ANKS1B: variants seen among roughly 807,000 people sequenced by gnomAD.
The protein encoded by ANKS1B is ankyrin repeat and sterile alpha motif domain containing 1B.
Under a neutral mutation model 148.3 loss-of-function variants are expected in ANKS1B, and 36 were observed. The observed-to-expected ratio is 0.24, with a 90% CI of 0.19 to 0.32. The LOEUF (loss-of-function observed/expected upper bound fraction) is 0.32, where lower values mean the gene tolerates loss of function less well. Among genes scored for constraint, ANKS1B ranks in the 10% least tolerant of loss-of-function variants. The probability of loss-of-function intolerance (pLI) is 1.00; values close to 1 mark genes in which losing one functional copy is unlikely to be tolerated. For missense variants in ANKS1B, 1,157 were observed against 1,542.6 expected (o/e 0.75, Z 4.19); for synonymous variants, 542 against 560.8 (o/e 0.97, Z 0.47).
Position 99,812,558 on chromosome 12 carries a change from CAGAGAGAGAG to C in ANKS1B, c.216-257_216-248del, listed in dbSNP as rs113030122. 3.5e-3 allele frequency among the ~76,000 whole-genome samples: 260 copies of C among 73,706 alleles called. 6 individuals are homozygous for C. The East Asian group carries it at 0.045, about 13-fold the overall frequency. The allele number at this position is 73,706 out of a possible 152,430, so 48.4% of individuals were successfully genotyped here. A position where few individuals can be genotyped will look rare whatever the true frequency, so the allele number is the denominator to read the frequency against. On this transcript the variant is annotated intron_variant, in intron 2 of 26. Transcript: ENST00000683438. ...ACACACACACACACACACACACACA[CAGAGAGAGAG>C]AGAGAGAGAAAGAGAGCGAGAGCAC...
chr12:98,959,029 T>C (rs796815615), intron 17 of ANKS1B, among the ~76,000 whole-genome samples: 38 of 152,278 alleles, frequency 2.5e-4, no homozygotes, highest in African/African-American at 9.1e-4. Context: ...CATTTAATAA[T>C]ATGGAAAGGG....
intron 14 of ANKS1B, among the ~76,000 whole-genome samples, chr12:99,162,432 T>C (rs1354347271): frequency 2.0e-5 from 3 of 152,124 alleles, no homozygotes; most frequent in Non-Finnish European, 2.9e-5. Flanking sequence ...AAAATGCACA[T>C]ACATAATTGT....
Position 99,782,032 on chromosome 12 carries a change from C to T in ANKS1B, c.735G>A (p.Leu245=). 1 of 1,604,144 alleles carries T rather than the reference C, an allele frequency of 6.2e-7. No individual in the cohort carries two copies. The highest frequency in any genetic ancestry group is 1.1e-5 in the South Asian group (1 of 88,668). Residue 245 remains leucine, a synonymous_variant, in exon 5 of 27, where the codon CTG becomes CTA. Coordinates refer to ENST00000683438, the MANE Select transcript of ANKS1B (RefSeq NM_001352186.2). ...AATCACAATAGTTACCTGTTTCTAACAGAACTCGTACAACATCCACCTTTC... is the reference window on the plus strand; with the variant it reads ...AATCACAATAGTTACCTGTTTCTAATAGAACTCGTACAACATCCACCTTTC... The part of the protein sequence containing the change: ...LFGKVDVVRV[L]LETGIDANIK...
chr12:99,037,810 G>A (rs1450896943), intron 17 of ANKS1B, among the ~76,000 whole-genome samples: 1 of 152,112 alleles, frequency 6.6e-6, no homozygotes, highest in Non-Finnish European at 1.5e-5. Flanking sequence ...CCTGCTGTGG[G>A]CAAGTTGTCA....
chr12:99,664,801 A>G (rs756382521), intron 8 of ANKS1B, among the ~76,000 whole-genome samples: 2 of 152,170 alleles, frequency 1.3e-5, no homozygotes, highest in Non-Finnish European at 2.9e-5. Context: ...TGTAAAGCTT[A>G]TTAACACTAA....
chr12:99,478,824 AG>A (rs779829551), intron 10 of ANKS1B, among the ~76,000 whole-genome samples: 13 of 152,128 alleles, frequency 8.5e-5, no homozygotes, highest in Non-Finnish European at 1.8e-4. Context: ...ATCATGCTAG[AG>A]GAAAGACCGA....
intron 4 of ANKS1B, among the ~76,000 whole-genome samples, chr12:99,802,809 A>T (rs2067114802): frequency 6.6e-6 from 1 of 151,972 alleles, no homozygotes. Flanking sequence ...CCTACTCAGG[A>T]GGCTGAAGCA....
At chr12:99,489,684 A>G (rs1168666791) in intron 10 of ANKS1B, among the ~76,000 whole-genome samples, 2 of 152,210 alleles carry the variant, frequency 1.3e-5, no homozygotes, top group Non-Finnish European at 2.9e-5. Flanking sequence ...ATCCTCATAG[A>G]TGCCTGTGAC....
intron 1 of ANKS1B, among the ~76,000 whole-genome samples, chr12:99,982,549 A>G (rs755390256): frequency 2.7e-4 from 41 of 152,216 alleles, no homozygotes; most frequent in Non-Finnish European, 4.9e-4. Flanking sequence ...AATCATTTTT[A>G]TAACTGATGG....
chr12:99,081,990 T>A (rs2049950946), intron 16 of ANKS1B, among the ~76,000 whole-genome samples: 1 of 152,110 alleles, frequency 6.6e-6, no homozygotes, highest in Admixed American at 6.6e-5. Context: ...AGCATAGAAG[T>A]GGCTGAATGT....
intron 11 of ANKS1B, among the ~76,000 whole-genome samples, chr12:99,428,434 T>G (rs2095303623): frequency 6.6e-6 from 1 of 152,184 alleles, no homozygotes; most frequent in Admixed American, 6.5e-5. Flanking sequence ...AATCAGGACC[T>G]GATATAATAA....
At chr12:99,079,880 T>TG (rs1162085307) in intron 16 of ANKS1B, 6 of 152,092 alleles carry the variant, frequency 3.9e-5, no homozygotes, top group Non-Finnish European at 8.8e-5. Context: ...CTCGCTCTCC[T>TG]GGGGGGTGAC....
Position 99,971,160 on chromosome 12 carries a change from C to T in ANKS1B, c.134+12944G>A, listed in dbSNP as rs189080250. On this transcript the variant is annotated intron_variant, in intron 1 of 26. Transcript: ENST00000683438. ...ATATACATATATATATACACACACA[C>T]GTAGCATAAAACAAACCCATGAAAA... 5.0e-3 allele frequency among the ~76,000 whole-genome samples: 758 copies of T among 152,206 alleles called. 6 individuals carry two copies. The highest frequency in any genetic ancestry group is 0.017 in the African/African-American group (711 of 41,514).
intron 17 of ANKS1B, among the ~76,000 whole-genome samples, chr12:98,941,408 T>C (rs548238624): frequency 2.0e-5 from 3 of 152,322 alleles, no homozygotes; most frequent in African/African-American, 7.2e-5. Context: ...TTAGAAAAGA[T>C]ACTTGTTTAC....
chr12:99,412,405 A>G (rs2094740755), intron 11 of ANKS1B, among the ~76,000 whole-genome samples: 1 of 152,100 alleles, frequency 6.6e-6, no homozygotes, highest in African/African-American at 2.4e-5. Context: ...AGGAGATGCT[A>G]AGGTTCTGGT....
At chr12:99,226,872 A>G (rs1464320419) in intron 14 of ANKS1B, among the ~76,000 whole-genome samples, 1 of 152,242 alleles carries the variant, frequency 6.6e-6, no homozygotes, top group East Asian at 1.9e-4. Flanking sequence ...TCAAAAATCA[A>G]TCAAAAAGGT....
intron 1 of ANKS1B, among the ~76,000 whole-genome samples, chr12:99,835,725 A>T (rs1284682630): frequency 1.3e-5 from 2 of 152,170 alleles, no homozygotes; most frequent in Admixed American, 6.5e-5. Context: ...ATTGCACAGC[A>T]CAGGGCATTT....
chr12:98,964,111 C>T (rs1159387121), intron 17 of ANKS1B, among the ~76,000 whole-genome samples: 1 of 151,766 alleles, frequency 6.6e-6, no homozygotes, highest in African/African-American at 2.4e-5. Context: ...AAAAAAAAAT[C>T]TAATAATCCC....
Position 99,984,865 on chromosome 12 carries a change from G to T in ANKS1B, c.-628C>A, listed in dbSNP as rs948656565. Among the ~76,000 whole-genome samples, 5 of 147,338 alleles carry T rather than the reference G, an allele frequency of 3.4e-5. No homozygotes were observed. The highest frequency in any genetic ancestry group is 9.8e-5 in the African/African-American group (4 of 40,970). ...TGCCGAGGGCGGCGGCGGCGGCGAGGCCTGGCGCGCGGGGGGCGTGTGCGC... is the reference window on the plus strand; with the variant it reads ...TGCCGAGGGCGGCGGCGGCGGCGAGTCCTGGCGCGCGGGGGGCGTGTGCGC... On this transcript the variant is annotated 5_prime_UTR_variant, in exon 1 of 27. Coordinates refer to ENST00000683438, the MANE Select transcript of ANKS1B (RefSeq NM_001352186.2).
Sources: gnomAD v4.1 joint callset for allele counts (sites outside exome capture counted in the v4.1 genomes callset) on GRCh38, gnomAD v4.1.1 for gene constraint, MANE v1.5 for transcripts, NCBI Gene and HGNC (gene_info 2026-07-23, HGNC 2026-07-21) for gene names.